Variants in AUTS2 observed in about 807,000 individuals in gnomAD.
AUTS2 encodes autism susceptibility gene 2 protein.
A neutral mutation model predicts 112.4 loss-of-function variants in AUTS2; 17 were observed. The ratio of observed to expected loss-of-function variants is 0.15; its 90% CI spans 0.10 to 0.23. The LOEUF (loss-of-function observed/expected upper bound fraction) is 0.23. AUTS2 is among the 10% of genes least tolerant of loss of function. AUTS2 has a pLI of 1.00. For synonymous variants in AUTS2, 751 were observed against 702.7 expected (o/e 1.07, Z -1.09); for missense variants, 1,510 against 1,701.6 (o/e 0.89, Z 1.98).
At chr7:70,625,482 A>T (rs1317089293) in intron 5 of AUTS2, among the ~76,000 whole-genome samples, 1 of 152,206 alleles carries the variant, frequency 6.6e-6, no homozygotes, top group Non-Finnish European at 1.5e-5. Flanking sequence ...GTCAGATGGC[A>T]CTTGATAGCT....
At chr7:70,785,743 T>C (rs1791412806) in intron 16 of AUTS2, among the ~76,000 whole-genome samples, 1 of 152,218 alleles carries the variant, frequency 6.6e-6, no homozygotes, top group Non-Finnish European at 1.5e-5. Flanking sequence ...TACACAGTTG[T>C]AGAAGAAGAG....
At chr7:70,561,627 C>T (rs530325387) in intron 5 of AUTS2, among the ~76,000 whole-genome samples, 2 of 152,128 alleles carry the variant, frequency 1.3e-5, no homozygotes, top group South Asian at 4.2e-4. Context: ...TCAGAGGTAA[C>T]CAGATGTGTA....
chr7:70,683,037 C>G (rs1220075725), intron 5 of AUTS2, among the ~76,000 whole-genome samples: 3 of 152,216 alleles, frequency 2.0e-5, no homozygotes. Flanking sequence ...AACAGTCACA[C>G]GTCAGTCACA....
At chr7:70,666,692 C>T (rs915039764) in intron 5 of AUTS2, among the ~76,000 whole-genome samples, 5 of 152,024 alleles carry the variant, frequency 3.3e-5, no homozygotes, top group African/African-American at 9.7e-5. Context: ...AATTTCTGTG[C>T]ACCCCCAAGG....
At chr7:70,089,216 A>G (rs970042221) in intron 2 of AUTS2, among the ~76,000 whole-genome samples, 2 of 152,156 alleles carry the variant, frequency 1.3e-5, no homozygotes, top group African/African-American at 4.8e-5. Flanking sequence ...TGTTCTATCA[A>G]TTATTAACAA....
chr7:70,498,958 T>A (rs1585221622), intron 5 of AUTS2, among the ~76,000 whole-genome samples: 1 of 152,324 alleles, frequency 6.6e-6, no homozygotes, highest in Non-Finnish European at 1.5e-5. Context: ...GGCATGGGGC[T>A]GGACCGAACC....
At chr7:69,760,823 AAAT>A (rs937952064) in intron 1 of AUTS2, among the ~76,000 whole-genome samples, 5 of 152,350 alleles carry the variant, frequency 3.3e-5, no homozygotes, top group East Asian at 3.9e-4. Flanking sequence ...CCGTCTCAAA[AAAT>A]AATAATAATA....
chr7:70,652,702 T>A (rs1042312434), intron 5 of AUTS2, among the ~76,000 whole-genome samples: 4 of 152,130 alleles, frequency 2.6e-5, no homozygotes, highest in African/African-American at 7.2e-5. Flanking sequence ...CTGGGCAACA[T>A]AGCAAGACCC....
intron 4 of AUTS2, among the ~76,000 whole-genome samples, chr7:70,350,940 T>C (rs539128255): frequency 5.9e-5 from 9 of 152,286 alleles, no homozygotes; most frequent in African/African-American, 2.2e-4. Context: ...TGTTGTTTTT[T>C]AGATGCCATA....
intron 2 of AUTS2, among the ~76,000 whole-genome samples, chr7:69,947,633 A>C (rs1796867473): frequency 6.6e-6 from 1 of 152,150 alleles, no homozygotes; most frequent in Admixed American, 6.5e-5. Flanking sequence ...TTATTATCCA[A>C]GTTTCTGTTT....
intron 4 of AUTS2, among the ~76,000 whole-genome samples, chr7:70,144,781 A>G (rs902080656): frequency 3.3e-5 from 5 of 152,082 alleles, no homozygotes; most frequent in African/African-American, 1.2e-4. Context: ...TTCAGTTGTT[A>G]TAGTTGAAAG....
At chr7:69,625,576 G>A (rs1024863735) in intron 1 of AUTS2, among the ~76,000 whole-genome samples, 2 of 152,086 alleles carry the variant, frequency 1.3e-5, no homozygotes, top group Non-Finnish European at 2.9e-5. Context: ...AGTGTTATTT[G>A]GGCTGCGCAC....
intron 2 of AUTS2, among the ~76,000 whole-genome samples, chr7:70,028,840 C>T (rs1800642129): frequency 1.3e-5 from 2 of 152,110 alleles, no homozygotes; most frequent in South Asian, 2.1e-4. Context: ...GAGGAATATC[C>T]CTCAAGGCTC....
At chr7:70,194,206 T>C (rs1810050781) in intron 4 of AUTS2, among the ~76,000 whole-genome samples, 1 of 150,706 alleles carries the variant, frequency 6.6e-6, no homozygotes, top group Admixed American at 6.6e-5. Context: ...GGTCAGGCAT[T>C]TGAGACCAGC....
At chr7:70,418,107 G>A (rs13307813) in intron 4 of AUTS2, among the ~76,000 whole-genome samples, 5,083 of 150,930 alleles carry the variant, frequency 0.034, 303 homozygotes, top group African/African-American at 0.12. Context: ...GTGTGTGTGT[G>A]TGTGTCTGTG....
rs111601508 is a variant in AUTS2 at position 70,326,806 on chromosome 7, C to A, written c.661-108946C>A. Among the ~76,000 whole-genome samples the A allele has an allele frequency of 7.9e-5, 12 of 152,096 alleles. 1 individual carries two copies. The highest frequency in any genetic ancestry group is 2.0e-4 in the Admixed American group (3 of 15,280). On this transcript the variant is annotated intron_variant, in intron 4 of 18. Transcript: ENST00000342771. ...ATGAGGAGACATTGAATCCTCAAGT[C>A]ACATTGGCATGCTTGTTGAGGCTTT...
At chr7:70,262,307 A>G (rs1487753534) in intron 4 of AUTS2, among the ~76,000 whole-genome samples, 4 of 152,218 alleles carry the variant, frequency 2.6e-5, no homozygotes, top group East Asian at 1.9e-4. Context: ...CTCCTGCCTC[A>G]GTCTCCGGAG....
chr7:70,165,169 A>G (rs2129577977), intron 4 of AUTS2, among the ~76,000 whole-genome samples: 1 of 152,352 alleles, frequency 6.6e-6, no homozygotes, highest in East Asian at 1.9e-4. Context: ...CAACTGAAAT[A>G]GAGCAAAAAG....
At chr7:70,722,762 G>C (rs533374840) in intron 6 of AUTS2, among the ~76,000 whole-genome samples, 16 of 152,262 alleles carry the variant, frequency 1.1e-4, no homozygotes, top group African/African-American at 3.1e-4. Flanking sequence ...ATAAATGTTA[G>C]AAAATCCTGT....
Sources: allele counts gnomAD v4.1 joint callset (sites outside exome capture counted in the v4.1 genomes callset), GRCh38; gene constraint gnomAD v4.1.1; transcripts MANE v1.5; gene names NCBI Gene and HGNC (gene_info 2026-07-23, HGNC 2026-07-21).